The following ZNF330 variants were observed in gnomAD, a reference collection of about 807,000 sequenced individuals.
ZNF330 encodes zinc finger protein 330.
A neutral mutation model predicts 45.5 loss-of-function variants in ZNF330; 31 were observed. The ratio of observed to expected loss-of-function variants is 0.68; its 90% CI spans 0.51 to 0.92. The LOEUF (loss-of-function observed/expected upper bound fraction) is 0.92. Among genes scored for constraint, ZNF330 ranks in the 40% least tolerant of loss-of-function variants. The probability of loss-of-function intolerance (pLI) is 0.00; values close to 1 mark genes in which losing one functional copy is unlikely to be tolerated. For synonymous variants in ZNF330, 138 were observed against 123.2 expected (o/e 1.12, Z -0.79); for missense variants, 356 against 387.4 (o/e 0.92, Z 0.68).
intron 7 of ZNF330, among the ~76,000 whole-genome samples, chr4:141,230,651 C>T (rs79901351): frequency 0.018 from 2,663 of 152,148 alleles, 73 homozygotes; most frequent in African/African-American, 0.06. Context: ...CTGTTTGTTT[C>T]TGCTAGTTGG....
rs1316021945 is a variant in ZNF330 at position 141,234,015 on chromosome 4, G to C, written c.*26G>C. The C allele has an allele frequency of 6.3e-7, 1 of 1,594,862 alleles. No homozygotes were observed. The highest frequency in any genetic ancestry group is 2.2e-5 in the East Asian group (1 of 44,784). ...GGGAGCTGCTCTGGTGGCCGTGTGT[G>C]AGAGGAGCAGGAGTGAGTGTGTGTG... On this transcript the variant is annotated 3_prime_UTR_variant, in exon 10 of 10. Coordinates refer to ENST00000262990, the MANE Select transcript of ZNF330 (RefSeq NM_014487.6).
intron 6 of ZNF330, 134 bp downstream of exon 6, chr4:141,229,831 TAG>T (rs1728907012): frequency 8.4e-7 from 1 of 1,188,580 alleles, no homozygotes; most frequent in East Asian, 2.4e-5. Context: ...ATTATCAGTG[TAG>T]TTAGAGAAGG....
chr4:141,227,429 G>T (rs1189354111), intron 5 of ZNF330, among the ~76,000 whole-genome samples: 2 of 151,970 alleles, frequency 1.3e-5, no homozygotes, highest in East Asian at 3.9e-4. Flanking sequence ...AAGAATGATG[G>T]ATTCCAGCTT....
Position 141,230,103 on chromosome 4 carries a change from A to G in ZNF330, c.419-63A>G, listed in dbSNP as rs548584199. 11 of 1,168,934 alleles carry G rather than the reference A, an allele frequency of 9.4e-6. No individual in the cohort carries two copies. In the East Asian group the frequency reaches 2.6e-4, roughly 27 times the overall value. 72.4% of individuals were successfully genotyped at this position (1,168,934 alleles called of 1,614,324 possible). A position where few individuals can be genotyped will look rare whatever the true frequency, so the allele number is the denominator to read the frequency against. On this transcript the variant is annotated intron_variant, in intron 6 of 9. Coordinates refer to ENST00000262990, the MANE Select transcript of ZNF330 (RefSeq NM_014487.6). ...TACCATCTCTTCTAAGCAGTATTAT[A>G]GATATGAGTTTTTTTAAATTAAAGT...
chr4:141,230,346 A>G, intron 7 of ZNF330, 76 bp downstream of exon 7: 3 of 880,322 alleles, frequency 3.4e-6, no homozygotes, highest in Non-Finnish European at 5.1e-6. Context: ...ATGAAAAAGG[A>G]ATCAAGTTTT....
chr4:141,220,847 G>A (rs546969442), upstream of ZNF330: 1 of 152,412 alleles, frequency 6.6e-6, no homozygotes, highest in East Asian at 1.9e-4. Context: ...GGGGCGGAGC[G>A]AACAGAGGTG....
chr4:141,232,587 T>TG lies in ZNF330; in HGVS notation c.633_634insG (p.Pro212AlafsTer4). 1 of 1,600,232 alleles carries TG rather than the reference T, an allele frequency of 6.2e-7. No individual in the cohort carries two copies. The highest frequency in any genetic ancestry group is 8.5e-7 in the Non-Finnish European group (1 of 1,173,178). On this transcript the variant is annotated frameshift_variant, in exon 9 of 10. Coordinates refer to ENST00000262990, the MANE Select transcript of ZNF330 (RefSeq NM_014487.6). LOFTEE classifies it high-confidence loss of function. ...TTAAGCAAGAAAAAGGAAAACAGCCTCCTTGTCCTAAATGTGGGCATGAAA... is the reference window on the plus strand; with the variant it reads ...TTAAGCAAGAAAAAGGAAAACAGCCTGCCTTGTCCTAAATGTGGGCATGAAA...
intron 1 of ZNF330, among the ~76,000 whole-genome samples, chr4:141,222,046 TGAG>T (rs1277870079): frequency 6.6e-6 from 1 of 152,184 alleles, no homozygotes; most frequent in African/African-American, 2.4e-5. Context: ...TTTGTTTTAA[TGAG>T]GTGCAGAATA....
At chr4:141,227,852 A>AT (rs1341717508) in intron 5 of ZNF330, among the ~76,000 whole-genome samples, 2 of 152,112 alleles carry the variant, frequency 1.3e-5, no homozygotes, top group African/African-American at 2.4e-5. Flanking sequence ...TACATATAGG[A>AT]TTTTTTAAAG....
intron 5 of ZNF330, among the ~76,000 whole-genome samples, chr4:141,228,896 C>T (rs745470180): frequency 3.9e-5 from 6 of 151,978 alleles, no homozygotes; most frequent in Non-Finnish European, 8.8e-5. Context: ...TCTTAAGATT[C>T]TTTCTAGCTT....
chr4:141,230,309 T>C (rs372351801), intron 7 of ZNF330, 39 bp downstream of exon 7: 2 of 1,228,428 alleles, frequency 1.6e-6, no homozygotes, highest in Non-Finnish European at 2.4e-6. Context: ...ATACCCAAGA[T>C]TCTGAATAGT....
chr4:141,222,585 T>C, intron 2 of ZNF330, 94 bp downstream of exon 2: 20 of 1,361,778 alleles, frequency 1.5e-5, no homozygotes, highest in Non-Finnish European at 2.0e-5. Flanking sequence ...GAAGACAGTG[T>C]TTTTGCATAT....
Position 141,234,546 on chromosome 4 carries a change from C to T in ZNF330, c.*557C>T, listed in dbSNP as rs1168656292. On this transcript the variant is annotated 3_prime_UTR_variant, in exon 10 of 10. Transcript: ENST00000262990. Reference sequence around the variant, plus strand: ...CTTCTCTTTCTTCACAATGTATGTCCTCAGTGGTACCTATTATTGATGCCT... The same window carrying T: ...CTTCTCTTTCTTCACAATGTATGTCTTCAGTGGTACCTATTATTGATGCCT... The T allele has an allele frequency of 6.6e-6, 1 of 152,222 alleles. No individual in the cohort carries two copies. Among genetic ancestry groups the T allele is most frequent in the East Asian group, 1.9e-4 (1 of 5,186 alleles). The allele number at this position is 152,222 out of a possible 1,614,324, so 9.4% of individuals were successfully genotyped here.
At position 141,230,225 on chromosome 4, in the gene ZNF330, G is replaced by C; in HGVS notation, c.478G>C (p.Glu160Gln). The change falls in exon 7 of 10, where the codon GAG (glutamate) becomes CAG (glutamine). Residue 160 changes from glutamate to glutamine, a missense_variant. Transcript: ENST00000262990. ...HNFLCEDDQFEHQASCQVLEA... is the reference protein window; with the variant it reads ...HNFLCEDDQFQHQASCQVLEA... ...CTTTCTCTGTGAAGATGATCAATTT[G>C]AGCATCAAGCCAGCTGCCAGGTTTT... 6.2e-7 allele frequency: 1 copy of C among 1,611,510 alleles called. No individual in the cohort carries two copies.
chr4:141,221,699 C>A (rs960095749), intron 1 of ZNF330, among the ~76,000 whole-genome samples: 1 of 152,000 alleles, frequency 6.6e-6, no homozygotes, highest in Non-Finnish European at 1.5e-5. Flanking sequence ...TGTATTTCAA[C>A]TAAATGATGA....
chr4:141,227,684 A>T (rs1728845180), intron 5 of ZNF330, among the ~76,000 whole-genome samples: 1 of 152,114 alleles, frequency 6.6e-6, no homozygotes, highest in Admixed American at 6.6e-5. Context: ...TCTTAACCAG[A>T]CTTCACAAAA....
upstream of ZNF330, among the ~76,000 whole-genome samples, chr4:141,220,644 A>G (rs557853378): frequency 2.6e-5 from 4 of 152,186 alleles, no homozygotes; most frequent in Non-Finnish European, 5.9e-5. Context: ...GAGTCAATTG[A>G]TCCAGTACCA....
chr4:141,231,819 A>G (rs1185401699), intron 8 of ZNF330, among the ~76,000 whole-genome samples: 1 of 152,062 alleles, frequency 6.6e-6, no homozygotes, highest in Non-Finnish European at 1.5e-5. Flanking sequence ...TTGGGTAAAG[A>G]TTTCCAAATT....
At chr4:141,228,617 C>A (rs1055629293) in intron 5 of ZNF330, among the ~76,000 whole-genome samples, 2 of 152,102 alleles carry the variant, frequency 1.3e-5, no homozygotes, top group African/African-American at 4.8e-5. Context: ...AGAGTACCAT[C>A]TCTTTTTTGC....
Sources: allele counts gnomAD v4.1 joint callset (sites outside exome capture counted in the v4.1 genomes callset), GRCh38; gene constraint gnomAD v4.1.1; transcripts MANE v1.5; gene names NCBI Gene and HGNC (gene_info 2026-07-23, HGNC 2026-07-21).